ADAMTS19: variants seen among roughly 807,000 people sequenced by gnomAD.
ADAMTS19 encodes the protein A disintegrin and metalloproteinase with thrombospondin motifs 19.
ADAMTS19 carries 93 observed loss-of-function variants against 153.3 expected under a neutral mutation model. The ratio of observed to expected loss-of-function variants is 0.61; its 90% CI spans 0.51 to 0.72. The LOEUF (loss-of-function observed/expected upper bound fraction) is 0.72. ADAMTS19 is among the 30% of genes least tolerant of loss of function. The pLI is 0.00. For synonymous variants in ADAMTS19, 600 were observed against 556.6 expected, an observed-to-expected ratio of 1.08 and a Z score of -1.10; for missense variants, 1,482 against 1,552.1, an observed-to-expected ratio of 0.95 and a Z score of 0.76.
In ADAMTS19 at chr5:129,726,649, A is replaced by G. The variant is rs17163032; in HGVS notation, c.3313-8283A>G. ...TAAACATTTTGGAACATCATAGCAC[A>G]CAAATGTATGAATAAAACTATATAG... is the stretch of plus-strand genomic sequence containing the variant. On this transcript the variant is annotated intron_variant, in intron 21 of 22. Transcript: ENST00000274487. Among the ~76,000 whole-genome samples the G allele has an allele frequency of 8.9e-3, 1,362 of 152,272 alleles. 20 individuals carry two copies. The highest frequency in any genetic ancestry group is 0.03 in the African/African-American group (1,256 of 41,568).
At chr5:129,609,638 C>T (rs1751100719) in intron 8 of ADAMTS19, among the ~76,000 whole-genome samples, 1 of 152,098 alleles carries the variant, frequency 6.6e-6, no homozygotes, top group Non-Finnish European at 1.5e-5. Context: ...GAATAATAAG[C>T]AATTTTTCCA....
intron 2 of ADAMTS19, among the ~76,000 whole-genome samples, chr5:129,508,250 A>G (rs181557794): frequency 2.0e-5 from 3 of 152,100 alleles, no homozygotes; most frequent in Admixed American, 6.6e-5. Flanking sequence ...AATGTATGCT[A>G]TCTATATGTA....
At chr5:129,504,420 T>C (rs1187170778) in intron 2 of ADAMTS19, among the ~76,000 whole-genome samples, 1 of 152,216 alleles carries the variant, frequency 6.6e-6, no homozygotes, top group Non-Finnish European at 1.5e-5. Flanking sequence ...ATATTTTTGG[T>C]GTGCAAAATG....
chr5:129,647,903 C>G lies in ADAMTS19; in HGVS notation c.2003+8C>G. 2 of 1,608,178 alleles carry G rather than the reference C, an allele frequency of 1.2e-6. No homozygotes were observed. Among genetic ancestry groups the G allele is most frequent in the South Asian group, 2.2e-5 (2 of 90,380 alleles). ...AGAGCGCAAATGTCCTGGGTAAACTCAAAGTTCCTGGTTGGGGGAGGGCAC... is the reference window on the plus strand; with the variant it reads ...AGAGCGCAAATGTCCTGGGTAAACTGAAAGTTCCTGGTTGGGGGAGGGCAC... On this transcript the variant is annotated splice_region_variant and intron_variant, in intron 12 of 22. Transcript: ENST00000274487.
intron 18 of ADAMTS19, among the ~76,000 whole-genome samples, chr5:129,685,826 G>A (rs912985874): frequency 6.6e-6 from 1 of 152,176 alleles, no homozygotes; most frequent in African/African-American, 2.4e-5. Context: ...ATGCAAAGGA[G>A]AGAGCAAAAA....
Position 129,513,418 on chromosome 5 carries a change from C to A in ADAMTS19, c.913+4176C>A, listed in dbSNP as rs559067271. Among the ~76,000 whole-genome samples the A allele has an allele frequency of 5.9e-4, 90 of 151,836 alleles. 1 individual carries two copies. Among genetic ancestry groups the A allele is most frequent in the African/African-American group, 2.1e-3 (86 of 41,416 alleles). ...GCCTGAGGTGGGAGGATCATCTGTG[C>A]CCAGGAGTTTGAGGCTGCAGTGAGC... is the stretch of plus-strand genomic sequence containing the variant. On this transcript the variant is annotated intron_variant, in intron 3 of 22. Coordinates refer to ENST00000274487, the MANE Select transcript of ADAMTS19 (RefSeq NM_133638.6).
intron 8 of ADAMTS19, among the ~76,000 whole-genome samples, chr5:129,609,450 T>G (rs1751091302): frequency 6.6e-6 from 1 of 152,198 alleles, no homozygotes; most frequent in Non-Finnish European, 1.5e-5. Context: ...TACCTTAATG[T>G]GAAAAGGAGA....
chr5:129,643,272 G>A (rs1752887512), intron 11 of ADAMTS19, among the ~76,000 whole-genome samples: 1 of 150,348 alleles, frequency 6.7e-6, no homozygotes, highest in Non-Finnish European at 1.5e-5. Flanking sequence ...TGAGGTGGAA[G>A]GATTGCTTGA....
chr5:129,640,224 G>A (rs1003456181), intron 10 of ADAMTS19, among the ~76,000 whole-genome samples: 3 of 152,030 alleles, frequency 2.0e-5, no homozygotes, highest in Admixed American at 6.6e-5. Context: ...ATTTCTTTGT[G>A]TTAGGAACAT....
intron 2 of ADAMTS19, among the ~76,000 whole-genome samples, chr5:129,498,325 G>T (rs1750991086): frequency 6.6e-6 from 1 of 151,870 alleles, no homozygotes; most frequent in Non-Finnish European, 1.5e-5. Context: ...AAAATATCCT[G>T]CCCCTTCTCC....
At chr5:129,615,415 A>G (rs1751468604) in intron 8 of ADAMTS19, among the ~76,000 whole-genome samples, 1 of 152,004 alleles carries the variant, frequency 6.6e-6, no homozygotes, top group Non-Finnish European at 1.5e-5. Flanking sequence ...AGAATCATCT[A>G]AAAATGTATC....
At chr5:129,558,219 T>C (rs903875919) in intron 7 of ADAMTS19, among the ~76,000 whole-genome samples, 13 of 152,012 alleles carry the variant, frequency 8.6e-5, no homozygotes, top group African/African-American at 3.1e-4. Context: ...TATTCGACAA[T>C]GCACTGAAAA....
At chr5:129,545,949 C>T (rs1202883467) in intron 6 of ADAMTS19, among the ~76,000 whole-genome samples, 12 of 148,690 alleles carry the variant, frequency 8.1e-5, no homozygotes, top group Middle Eastern at 3.4e-3. Flanking sequence ...ATGTTTATTG[C>T]GGCACTATTC....
At position 129,526,284 on chromosome 5, in the gene ADAMTS19, A is replaced by G. The variant is rs1174055057; in HGVS notation, c.914A>G (p.Asp305Gly). 1.9e-6 allele frequency: 3 copies of G among 1,566,724 alleles called. No individual in the cohort carries two copies. The highest frequency in any genetic ancestry group is 2.4e-5 in the East Asian group (1 of 42,064). The change falls in exon 4 of 23, where the codon GAT becomes GGT. Residue 305 changes from aspartate (D) to glycine (G), a missense_variant and splice_region_variant. Transcript: ENST00000274487. Reference sequence around the variant, plus strand: ...TGAAAAATTCAATTCTCTGTTGCAGATAAAGGAAGACCTAGGTCTAGAAAA... The same window carrying G: ...TGAAAAATTCAATTCTCTGTTGCAGGTAAAGGAAGACCTAGGTCTAGAAAA... The part of the protein sequence containing the change: ...LHSHYCGIIS[D>G]KGRPRSRKIA...
At chr5:129,641,820 A>G (rs1752798988) in intron 10 of ADAMTS19, 39 bp from the exon 11 acceptor site, 10 of 1,353,632 alleles carry the variant, frequency 7.4e-6, no homozygotes, top group Non-Finnish European at 1.0e-5. Flanking sequence ...AAAAAATGTG[A>G]TACCTTCCCC....
intron 10 of ADAMTS19, among the ~76,000 whole-genome samples, chr5:129,625,263 T>G (rs1339388576): frequency 2.0e-5 from 3 of 152,242 alleles, no homozygotes; most frequent in Non-Finnish European, 4.4e-5. Context: ...TGGTTCCAAG[T>G]CTTTGCTATT....
intron 7 of ADAMTS19, among the ~76,000 whole-genome samples, chr5:129,576,029 A>C (rs966625623): frequency 6.1e-5 from 9 of 148,562 alleles, no homozygotes. Context: ...AAAGCAATCC[A>C]TCTCATCATC....
intron 8 of ADAMTS19, among the ~76,000 whole-genome samples, chr5:129,615,582 G>T (rs1751481418): frequency 6.6e-6 from 1 of 151,906 alleles, no homozygotes; most frequent in Non-Finnish European, 1.5e-5. Flanking sequence ...CTGTTTGCCA[G>T]GGCAAATGAA....
At chr5:129,737,015 C>T in intron 22 of ADAMTS19, 52 bp from the exon 23 acceptor site, 2 of 1,431,802 alleles carry the variant, frequency 1.4e-6, no homozygotes, top group Non-Finnish European at 9.3e-7. Flanking sequence ...TTGGTTTTTA[C>T]TGACATATAT....
Sources: allele counts gnomAD v4.1 joint callset (sites outside exome capture counted in the v4.1 genomes callset), GRCh38; gene constraint gnomAD v4.1.1; transcripts MANE v1.5; gene names NCBI Gene and HGNC (gene_info 2026-07-23, HGNC 2026-07-21).